The following PARD3B variants were observed in gnomAD, a reference collection of about 807,000 sequenced individuals.
The protein encoded by PARD3B is partitioning defective 3 homolog B.
A neutral mutation model predicts 130.2 loss-of-function variants in PARD3B; 103 were observed. The observed-to-expected ratio is 0.79, with a 90% CI of 0.67 to 0.93. The LOEUF (loss-of-function observed/expected upper bound fraction) is 0.93, where lower values mean the gene tolerates loss of function less well. Ranked by LOEUF, PARD3B falls within the 40% of genes least tolerant of loss-of-function variation. The pLI is 0.00. For missense variants in PARD3B, 1,609 were observed against 1,499.2 expected (o/e 1.07, Z -1.21); for synonymous variants, 583 against 553.2 (o/e 1.05, Z -0.76).
Position 205,300,623 on chromosome 2 carries a change from A to G in PARD3B, c.2279A>G (p.Asn760Ser). ...LQTAVAEVRK[N>S]DLPFHRPRPH... is the part of the protein sequence containing the mutation. ...ACTGCAGTGGCCGAGGTCAGGAAGA[A>G]TGACCTTCCCTTTCACAGGCCCCGG... Residue 760 changes from asparagine (N) to serine (S), a missense_variant, in exon 17 of 23, where the codon AAT becomes AGT. Transcript: ENST00000406610. This position sits in a 1 kb window ranked among gnomAD's most constrained non-coding sequence, Gnocchi z 4.1. 1 of 1,613,960 alleles carries G rather than the reference A, an allele frequency of 6.2e-7. No homozygotes were observed. Among genetic ancestry groups the G allele is most frequent in the East Asian group, 2.2e-5 (1 of 44,880 alleles).
rs531691193 is a variant in PARD3B at position 205,561,298 on chromosome 2, C to T, written c.3260+7895C>T. Among the ~76,000 whole-genome samples the T allele has an allele frequency of 2.0e-3, 304 of 152,296 alleles. 2 individuals are homozygous for T. The highest frequency in any genetic ancestry group is 3.3e-3 in the Non-Finnish European group (227 of 68,026). On this transcript the variant is annotated intron_variant, in intron 22 of 22. Coordinates refer to ENST00000406610, the MANE Select transcript of PARD3B (RefSeq NM_001302769.2). ...AGTCACTGGCGGTGACATTCAAGTTCTGCAGATTTCCAGCAATGCCACAGT... is the reference window on the plus strand; with the variant it reads ...AGTCACTGGCGGTGACATTCAAGTTTTGCAGATTTCCAGCAATGCCACAGT...
chr2:204,882,715 C>T (rs1212517674), intron 2 of PARD3B, among the ~76,000 whole-genome samples: 1 of 152,210 alleles, frequency 6.6e-6, no homozygotes, highest in East Asian at 1.9e-4. Context: ...AGCAGGGCAT[C>T]ACCTGCAAGC....
intron 10 of PARD3B, among the ~76,000 whole-genome samples, chr2:205,126,809 G>A (rs940323916): frequency 2.9e-5 from 4 of 139,312 alleles, no homozygotes; most frequent in African/African-American, 1.1e-4. Flanking sequence ...ATGAGAAAAT[G>A]TTCATAATCT....
chr2:205,320,438 C>T (rs2042713811), intron 18 of PARD3B, among the ~76,000 whole-genome samples: 1 of 152,124 alleles, frequency 6.6e-6, no homozygotes, highest in Admixed American at 6.5e-5. Context: ...GTGTTAAACT[C>T]TAAATCTAAC....
At chr2:205,573,975 A>C (rs1354751037) in intron 22 of PARD3B, among the ~76,000 whole-genome samples, 1 of 152,236 alleles carries the variant, frequency 6.6e-6, no homozygotes, top group African/African-American at 2.4e-5. Context: ...ATATGGAAGA[A>C]ATTATATATT....
Position 204,546,063 on chromosome 2 carries a change from C to T in PARD3B, c.64C>T (p.Arg22Cys). The change falls in exon 1 of 23, where the codon CGC becomes TGC. Residue 22 changes from arginine to cysteine, a missense_variant. Arg to Cys is a radical substitution (Grantham distance 180, BLOSUM62 -3). Coordinates refer to ENST00000406610, the MANE Select transcript of PARD3B (RefSeq NM_001302769.2). ...IVVPCKEGQL[R>C]VGELTQQALQ... Reference sequence around the variant, plus strand: ...GGTGCCCTGCAAGGAGGGCCAGCTGCGCGTCGGCGAGCTCACCCAGCAGGC... The same window carrying T: ...GGTGCCCTGCAAGGAGGGCCAGCTGTGCGTCGGCGAGCTCACCCAGCAGGC... 6.4e-7 allele frequency: 1 copy of T among 1,561,968 alleles called. No individual in the cohort carries two copies. The highest frequency in any genetic ancestry group is 1.2e-5 in the South Asian group (1 of 85,144).
chr2:205,192,426 T>C (rs1349933249), intron 14 of PARD3B, among the ~76,000 whole-genome samples: 1 of 152,102 alleles, frequency 6.6e-6, no homozygotes. Context: ...GGTAAGAAAA[T>C]GGCTATAATT....
intron 10 of PARD3B, among the ~76,000 whole-genome samples, chr2:205,150,138 A>G (rs2033642115): frequency 6.6e-6 from 1 of 152,182 alleles, no homozygotes; most frequent in African/African-American, 2.4e-5. Flanking sequence ...CTAGTGGCAA[A>G]GAATAACAAG....
At chr2:204,594,856 C>T (rs2033219233) in intron 1 of PARD3B, among the ~76,000 whole-genome samples, 1 of 152,136 alleles carries the variant, frequency 6.6e-6, no homozygotes, top group African/African-American at 2.4e-5. Flanking sequence ...GAATTAAAGA[C>T]ATATGGAAGC....
chr2:205,578,732 C>T (rs1362102133), intron 22 of PARD3B, among the ~76,000 whole-genome samples: 1 of 152,182 alleles, frequency 6.6e-6, no homozygotes, highest in Admixed American at 6.5e-5. Flanking sequence ...AGTGATTTAA[C>T]TGTATGAAGT....
chr2:205,106,659 A>C (rs941005479), intron 5 of PARD3B, among the ~76,000 whole-genome samples: 7 of 152,130 alleles, frequency 4.6e-5, no homozygotes, highest in African/African-American at 1.7e-4. Context: ...CTTGTCTACA[A>C]AGCCACTATT....
chr2:205,493,627 G>GT (rs1350190168), intron 20 of PARD3B, among the ~76,000 whole-genome samples: 8 of 152,070 alleles, frequency 5.3e-5, no homozygotes, highest in Admixed American at 3.3e-4. Context: ...AATTTAAAGG[G>GT]TTTTATTCAG....
Position 205,470,358 on chromosome 2 carries a change from T to C in PARD3B, c.3045-29538T>C, listed in dbSNP as rs1351291448. Among the ~76,000 whole-genome samples the C allele has an allele frequency of 3.3e-4, 50 of 152,196 alleles. No individual in the cohort carries two copies. ...ACAACCCTCTTAGCTCCTGTTGAAC[T>C]CGGCTTTTCTGACTGTCTTCAGACC... is the stretch of plus-strand genomic sequence containing the variant. On this transcript the variant is annotated intron_variant, in intron 20 of 22. Transcript: ENST00000406610. This position sits in a 1 kb window ranked among gnomAD's most constrained non-coding sequence, Gnocchi z 4.8.
Position 205,345,909 on chromosome 2 carries a change from G to A in PARD3B, c.2630+44208G>A, listed in dbSNP as rs1465549074. Among the ~76,000 whole-genome samples, 3 of 77,888 alleles carry A rather than the reference G, an allele frequency of 3.9e-5. 1 individual carries two copies. The highest frequency in any genetic ancestry group is 4.0e-4 in the Admixed American group (2 of 4,992). The allele number at this position is 77,888 out of a possible 152,430, so 51.1% of individuals were successfully genotyped here. On this transcript the variant is annotated intron_variant, in intron 18 of 22. Coordinates refer to ENST00000406610, the MANE Select transcript of PARD3B (RefSeq NM_001302769.2). ...GATGCAGCTGGGTGTGGTGGCTCAC[G>A]CCTGTAATCCCAGCACTTTGGGAGG...
intron 2 of PARD3B, among the ~76,000 whole-genome samples, chr2:204,840,533 C>CTTTT (rs200558739): frequency 6.1e-4 from 89 of 146,720 alleles, no homozygotes; most frequent in African/African-American, 1.8e-3. Flanking sequence ...TGAATTTGTC[C>CTTTT]TTTTTTTTTT....
At chr2:205,457,497 ATTTAT>A (rs1057166087) in intron 20 of PARD3B, among the ~76,000 whole-genome samples, 3 of 152,008 alleles carry the variant, frequency 2.0e-5, no homozygotes, top group Non-Finnish European at 2.9e-5. Context: ...TATGGTAAGC[ATTTAT>A]TTTAACTGTT....
intron 3 of PARD3B, among the ~76,000 whole-genome samples, chr2:204,988,621 G>A (rs956650416): frequency 1.1e-4 from 16 of 151,954 alleles, no homozygotes; most frequent in Non-Finnish European, 2.2e-4. Context: ...TACCTATTGT[G>A]TACCCACAAT....
chr2:204,897,215 A>G (rs2046670104), intron 2 of PARD3B, among the ~76,000 whole-genome samples: 1 of 152,026 alleles, frequency 6.6e-6, no homozygotes, highest in Non-Finnish European at 1.5e-5. Flanking sequence ...TTTGTGAGGG[A>G]CTGGTATACT....
intron 3 of PARD3B, among the ~76,000 whole-genome samples, chr2:204,973,376 A>C (rs1451542972): frequency 6.6e-6 from 1 of 152,170 alleles, no homozygotes; most frequent in East Asian, 1.9e-4. Flanking sequence ...ATCATTCCTA[A>C]ATAAATTATT....
Sources: gnomAD v4.1 joint callset for allele counts (sites outside exome capture counted in the v4.1 genomes callset) on GRCh38, gnomAD v4.1.1 for gene constraint, Gnocchi (gnomAD v3.1) non-coding constraint, MANE v1.5 for transcripts, NCBI Gene and HGNC (gene_info 2026-07-23, HGNC 2026-07-21) for gene names.